The following REDIC1 variants were observed in gnomAD, a reference collection of about 807,000 sequenced individuals.
REDIC1 encodes the protein regulator of DNA class I crossover intermediates 1.
the REDIC1 span, among the ~76,000 whole-genome samples, chr12:39,786,664 CAG>C: frequency 6.6e-6 from 1 of 152,192 alleles, no homozygotes; most frequent in South Asian, 2.1e-4. Context: ...CACAGAAAAT[CAG>C]AGTCAGAAAC....
At chr12:39,668,395 C>A in the REDIC1 span, among the ~76,000 whole-genome samples, 2 of 152,052 alleles carry the variant, frequency 1.3e-5, no homozygotes, top group African/African-American at 4.8e-5. Flanking sequence ...AATATTGGCC[C>A]CCACTCTCTT....
At chr12:39,836,557 T>C in the REDIC1 span, among the ~76,000 whole-genome samples, 2 of 151,072 alleles carry the variant, frequency 1.3e-5, no homozygotes, top group Admixed American at 6.6e-5. Flanking sequence ...TTGTCCCTGT[T>C]TGCAGACGAT....
At chr12:39,774,518 T>C in the REDIC1 span, among the ~76,000 whole-genome samples, 1 of 152,106 alleles carries the variant, frequency 6.6e-6, no homozygotes, top group Non-Finnish European at 1.5e-5. Flanking sequence ...AAAGTATGGT[T>C]TCCTAGCTTG....
the REDIC1 span, among the ~76,000 whole-genome samples, chr12:39,849,300 C>A: frequency 6.6e-6 from 1 of 152,114 alleles, no homozygotes; most frequent in Non-Finnish European, 1.5e-5. Flanking sequence ...TTGGTGAATG[C>A]AGCATTTAGC....
At chr12:39,682,484 A>G in the REDIC1 span, 1 of 524,756 alleles carries the variant, frequency 1.9e-6, no homozygotes, top group African/African-American at 2.0e-5. Context: ...AAATATAAAA[A>G]ATAAAAACAT....
At chr12:39,854,378 G>C in the REDIC1 span, among the ~76,000 whole-genome samples, 6 of 152,108 alleles carry the variant, frequency 3.9e-5, no homozygotes, top group Non-Finnish European at 7.4e-5. Flanking sequence ...AAAATAAAAA[G>C]CCTGCTTAGA....
chr12:39,826,864 T>TTTTTTTTTTTTTTC, the REDIC1 span, among the ~76,000 whole-genome samples: 1,374 of 143,526 alleles, frequency 9.6e-3, 31 homozygotes, highest in Non-Finnish European at 0.015. Context: ...ATTTTTTTTT[T>TTTTTTTTTTTTTTC]TTTTTTTTGC....
the REDIC1 span, among the ~76,000 whole-genome samples, chr12:39,725,980 A>T: frequency 6.6e-6 from 1 of 152,094 alleles, no homozygotes; most frequent in South Asian, 2.1e-4. Context: ...CACATCAGCC[A>T]GTGTGATACT....
At chr12:39,735,495 TGA>T in the REDIC1 span, among the ~76,000 whole-genome samples, 1 of 152,174 alleles carries the variant, frequency 6.6e-6, no homozygotes, top group African/African-American at 2.4e-5. Flanking sequence ...AAATGGCAGA[TGA>T]GAGTGTTAAG....
the REDIC1 span, among the ~76,000 whole-genome samples, chr12:39,727,859 G>C: frequency 1.1e-4 from 16 of 152,108 alleles, no homozygotes; most frequent in South Asian, 4.1e-4. Flanking sequence ...TCCTTGAAGA[G>C]ATCCTTCACA....
chr12:39,723,589 G>A, the REDIC1 span, among the ~76,000 whole-genome samples: 1 of 151,990 alleles, frequency 6.6e-6, no homozygotes, highest in Non-Finnish European at 1.5e-5. Context: ...GTAATTTAAT[G>A]TTTATAAAGC....
At chr12:39,872,038 A>C in the REDIC1 span, 1 of 1,269,780 alleles carries the variant, frequency 7.9e-7, no homozygotes, top group Non-Finnish European at 1.0e-6. Context: ...AAAAAGATGT[A>C]TTCAATTTGA....
At chr12:39,885,954 G>C in the REDIC1 span, among the ~76,000 whole-genome samples, 4 of 152,146 alleles carry the variant, frequency 2.6e-5, no homozygotes, top group Non-Finnish European at 4.4e-5. Context: ...TATCACTCCA[G>C]AGCAAATGTT....
the REDIC1 span, among the ~76,000 whole-genome samples, chr12:39,848,171 G>C: frequency 1.2e-4 from 19 of 152,220 alleles, 1 homozygote; most frequent in Admixed American, 8.5e-4. Context: ...AACAAAAATT[G>C]ACAAGTGGGA....
the REDIC1 span, among the ~76,000 whole-genome samples, chr12:39,704,505 G>T: frequency 8.5e-5 from 13 of 152,138 alleles, no homozygotes; most frequent in Admixed American, 2.0e-4. Context: ...ATTGTAGAAG[G>T]CAGTGTGGCG....
the REDIC1 span, among the ~76,000 whole-genome samples, chr12:39,700,221 T>G: frequency 8.6e-5 from 13 of 151,920 alleles, no homozygotes; most frequent in Admixed American, 4.6e-4. Context: ...ATAACTAGAA[T>G]AACCAATACA....
chr12:39,779,116 C>T, the REDIC1 span, among the ~76,000 whole-genome samples: 1 of 152,172 alleles, frequency 6.6e-6, no homozygotes, highest in East Asian at 1.9e-4. Context: ...ATCTCAGTGG[C>T]TACTAGCCCC....
the REDIC1 span, among the ~76,000 whole-genome samples, chr12:39,769,758 ACTC>A: frequency 0.011 from 1,623 of 151,592 alleles, 14 homozygotes; most frequent in Non-Finnish European, 0.017. Context: ...CAAATGTTCA[ACTC>A]CTCTCATATT....
the REDIC1 span, among the ~76,000 whole-genome samples, chr12:39,900,942 C>T: frequency 0.95 from 144,852 of 152,214 alleles, 69,334 homozygotes; most frequent in East Asian, 1. Context: ...CAAACTATAC[C>T]ACAAGGCAAC....
Sources: gnomAD v4.1 joint callset for allele counts (sites outside exome capture counted in the v4.1 genomes callset) on GRCh38, gnomAD v4.1.1 for gene constraint, MANE v1.5 for transcripts, NCBI Gene and HGNC (gene_info 2026-07-23, HGNC 2026-07-21) for gene names.